CDH4: variants seen among roughly 807,000 people sequenced by gnomAD.
The protein encoded by CDH4 is cadherin 4.
In CDH4, 33 loss-of-function variants were observed where a neutral mutation model predicts 86.0. The ratio of observed to expected loss-of-function variants is 0.38; its 90% CI spans 0.29 to 0.51. The LOEUF (loss-of-function observed/expected upper bound fraction) is 0.51, where lower values mean the gene tolerates loss of function less well. Ranked by LOEUF, CDH4 falls within the 20% of genes least tolerant of loss-of-function variation. CDH4 has a pLI of 0.86. For missense variants in CDH4, 1,114 were observed against 1,307.4 expected, an observed-to-expected ratio of 0.85 and a Z score of 2.28; for synonymous variants, 555 against 549.4, an observed-to-expected ratio of 1.01 and a Z score of -0.14.
In CDH4 at chr20:61,907,952, C is replaced by A. The variant is rs143390527; in HGVS notation, c.1189-2470C>A. On this transcript the variant is annotated intron_variant, in intron 8 of 15. Coordinates refer to ENST00000614565, the MANE Select transcript of CDH4 (RefSeq NM_001794.5). ...TGAGATCCCACTTTGGATAAATCCA[C>A]AATTTTTCTTCCTAACAAGCTGATT... Among the ~76,000 whole-genome samples the A allele has an allele frequency of 9.3e-3, 1,422 of 152,294 alleles. 76 individuals carry two copies. Among genetic ancestry groups the A allele is most frequent in the Admixed American group, 0.066 (1,004 of 15,290 alleles).
chr20:61,531,472 CAAAAAA>C (rs956436259), intron 2 of CDH4, among the ~76,000 whole-genome samples: 247 of 44,086 alleles, frequency 5.6e-3, no homozygotes, highest in African/African-American at 0.024. Context: ...GACTGCATCT[CAAAAAA>C]AAAAAAAAAA....
At chr20:61,689,557 A>G (rs1444667504) in intron 2 of CDH4, among the ~76,000 whole-genome samples, 2 of 88,006 alleles carry the variant, frequency 2.3e-5, no homozygotes, top group East Asian at 8.3e-4. Context: ...GGGCTGGGAC[A>G]GTGGTTGGTG....
At chr20:61,382,932 T>C (rs1327834663) in intron 2 of CDH4, among the ~76,000 whole-genome samples, 1 of 151,318 alleles carries the variant, frequency 6.6e-6, no homozygotes, top group Non-Finnish European at 1.5e-5. Flanking sequence ...GATATAGACA[T>C]GTTTTTTTGC....
rs147656695 is a variant in CDH4, at chr20:61,773,557, C to T, written c.576+375C>T. ...CCCGGATGATGGGGTGGTGCCATGA[C>T]GATCCCTGCGCCGAGGCCAGCGTGC... On this transcript the variant is annotated intron_variant, in intron 4 of 15. Transcript: ENST00000614565. 5.4e-3 allele frequency among the ~76,000 whole-genome samples: 824 copies of T among 152,236 alleles called. 10 individuals carry two copies. The highest frequency in any genetic ancestry group is 0.031 in the South Asian group (149 of 4,826).
chr20:61,486,100 A>G (rs2085595034), intron 2 of CDH4, among the ~76,000 whole-genome samples: 1 of 152,272 alleles, frequency 6.6e-6, no homozygotes, highest in Non-Finnish European at 1.5e-5. Flanking sequence ...CTTCCAGGAT[A>G]TCACGAGCCC....
intron 4 of CDH4, among the ~76,000 whole-genome samples, chr20:61,828,072 G>A (rs1981406918): frequency 6.6e-6 from 1 of 152,166 alleles, no homozygotes; most frequent in Admixed American, 6.5e-5. Context: ...ACGGGAAGTT[G>A]CACCTCATAA....
intron 2 of CDH4, among the ~76,000 whole-genome samples, chr20:61,563,765 GT>G (rs1165979925): frequency 6.6e-6 from 1 of 152,224 alleles, no homozygotes; most frequent in Non-Finnish European, 1.5e-5. Context: ...CCCCCTCTGT[GT>G]GGCTCTGTGG....
At chr20:61,634,901 T>C (rs974005573) in intron 2 of CDH4, among the ~76,000 whole-genome samples, 1 of 152,224 alleles carries the variant, frequency 6.6e-6, no homozygotes, top group Non-Finnish European at 1.5e-5. Context: ...TGGAACCTTA[T>C]AATAATTGCC....
At chr20:61,847,649 A>G (rs1224916743) in intron 5 of CDH4, among the ~76,000 whole-genome samples, 2 of 152,240 alleles carry the variant, frequency 1.3e-5, no homozygotes, top group Non-Finnish European at 2.9e-5. Context: ...ATAGAGAGAA[A>G]AGAGGTTTAT....
intron 2 of CDH4, among the ~76,000 whole-genome samples, chr20:61,499,113 G>A (rs989561754): frequency 5.3e-5 from 8 of 152,192 alleles, no homozygotes; most frequent in Non-Finnish European, 1.0e-4. Context: ...AAGGAGCTTC[G>A]GACACCCAGG....
intron 2 of CDH4, chr20:61,718,983 C>G (rs1388028759): frequency 4.2e-6 from 2 of 471,218 alleles, no homozygotes; most frequent in Admixed American, 2.3e-5. Context: ...CTGCCCTGCA[C>G]CAGATGAAAG....
chr20:61,880,360 G>A (rs1032503804), intron 7 of CDH4, among the ~76,000 whole-genome samples: 14 of 152,106 alleles, frequency 9.2e-5, no homozygotes, highest in African/African-American at 2.4e-4. Context: ...TGAAGACACC[G>A]AATATGGCTA....
At chr20:61,827,681 C>T (rs1981387945) in intron 4 of CDH4, among the ~76,000 whole-genome samples, 1 of 152,204 alleles carries the variant, frequency 6.6e-6, no homozygotes, top group Admixed American at 6.5e-5. Flanking sequence ...AAGACCGTTT[C>T]CTACCAAGAG....
At chr20:61,389,729 G>A (rs565825038) in intron 2 of CDH4, among the ~76,000 whole-genome samples, 1 of 149,372 alleles carries the variant, frequency 6.7e-6, no homozygotes, top group South Asian at 2.1e-4. Flanking sequence ...GGTGGGGGCT[G>A]GGGGTGCTGC....
chr20:61,371,768 G>A (rs2084841918), intron 2 of CDH4, among the ~76,000 whole-genome samples: 1 of 152,252 alleles, frequency 6.6e-6, no homozygotes, highest in African/African-American at 2.4e-5. Context: ...CGCATGGAAG[G>A]CGAAGGCTCG....
At chr20:61,380,531 T>TTTTTCCCCCCCCC (rs2084894574) in intron 2 of CDH4, among the ~76,000 whole-genome samples, 6 of 148,832 alleles carry the variant, frequency 4.0e-5, no homozygotes, top group Admixed American at 6.7e-5. Context: ...CAAACCCCCC[T>TTTTTCCCCCCCCC]GCCCCCTCCC....
At chr20:61,493,484 T>G (rs997347763) in intron 2 of CDH4, among the ~76,000 whole-genome samples, 1 of 152,266 alleles carries the variant, frequency 6.6e-6, no homozygotes, top group African/African-American at 2.4e-5. Context: ...TGGGTGCTGA[T>G]GCGCTGCCTT....
chr20:61,499,196 A>C (rs2085683008), intron 2 of CDH4, among the ~76,000 whole-genome samples: 1 of 152,164 alleles, frequency 6.6e-6, no homozygotes, highest in Admixed American at 6.5e-5. Flanking sequence ...TAGCTCCTGG[A>C]GCCCTGGTTG....
intron 2 of CDH4, among the ~76,000 whole-genome samples, chr20:61,692,706 A>G (rs146455637): frequency 7.9e-5 from 12 of 152,388 alleles, no homozygotes; most frequent in East Asian, 1.9e-4. Context: ...GCAAAAGCAC[A>G]TCTGTGTGCC....
Sources: gnomAD v4.1 joint callset for allele counts (sites outside exome capture counted in the v4.1 genomes callset) on GRCh38, gnomAD v4.1.1 for gene constraint, MANE v1.5 for transcripts, NCBI Gene and HGNC (gene_info 2026-07-23, HGNC 2026-07-21) for gene names.